The following TMEM272 variants were observed in gnomAD, a reference collection of about 807,000 sequenced individuals.
The protein encoded by TMEM272 is transmembrane protein 272.
A neutral mutation model predicts 3.7 loss-of-function variants in TMEM272; 8 were observed. That is an observed-to-expected ratio of 2.17 (90% CI 1.27 to 3.91). The LOEUF (loss-of-function observed/expected upper bound fraction) is 3.91. Ranked by LOEUF, TMEM272 falls within the 30% of genes most tolerant of loss-of-function variation. TMEM272 has a pLI of 0.00. For missense variants in TMEM272, 166 were observed against 91.5 expected (o/e 1.81, Z -3.32); for synonymous variants, 63 against 39.8 (o/e 1.58, Z -2.20).
the TMEM272 span, among the ~76,000 whole-genome samples, chr13:51,863,500 TA>T: frequency 1.3e-5 from 2 of 152,042 alleles, no homozygotes; most frequent in African/African-American, 4.8e-5. Flanking sequence ...CAGGAAATGT[TA>T]AGGATCTGGA....
the TMEM272 span, among the ~76,000 whole-genome samples, chr13:51,879,546 T>A: frequency 6.6e-6 from 1 of 152,084 alleles, no homozygotes. Flanking sequence ...CAATTAAAAA[T>A]TTGTACAATT....
chr13:51,906,377 A>G, the TMEM272 span, among the ~76,000 whole-genome samples: 6 of 152,144 alleles, frequency 3.9e-5, no homozygotes, highest in Non-Finnish European at 8.8e-5. Context: ...GCCAATTTTG[A>G]GCCCCCAGCA....
upstream of TMEM272, among the ~76,000 whole-genome samples, chr13:51,848,626 T>TG (rs1956317804): frequency 6.6e-6 from 1 of 152,180 alleles, no homozygotes; most frequent in Non-Finnish European, 1.5e-5. Flanking sequence ...AGTGAGTGAA[T>TG]GAGCACGTGC....
chr13:51,857,245 T>TAA, the TMEM272 span, among the ~76,000 whole-genome samples: 561 of 142,942 alleles, frequency 3.9e-3, 1 homozygote, highest in Middle Eastern at 0.014. Context: ...TAGCTGGCAT[T>TAA]AAAAAAAAAA....
the TMEM272 span, chr13:51,909,098 T>C: frequency 6.8e-7 from 1 of 1,470,682 alleles, no homozygotes; most frequent in Non-Finnish European, 9.5e-7. Context: ...CTCTGCCAAA[T>C]GCTGTATTTG....
At chr13:51,889,640 G>A in the TMEM272 span, among the ~76,000 whole-genome samples, 1 of 151,786 alleles carries the variant, frequency 6.6e-6, no homozygotes, top group Admixed American at 6.6e-5. Flanking sequence ...GTGTGTGGGG[G>A]GGTTTTGTTT....
the TMEM272 span, chr13:51,865,925 TCCCTCTGGGAGGAAGAGAATG>T: frequency 1.5e-5 from 24 of 1,613,540 alleles, no homozygotes; most frequent in Middle Eastern, 1.6e-4. Context: ...AGATAAAACG[TCCCTCTGGGAGGAAGAGAATG>T]CCCTCTGGGA....
chr13:51,895,548 C>A, the TMEM272 span, among the ~76,000 whole-genome samples: 1 of 152,036 alleles, frequency 6.6e-6, no homozygotes, highest in Non-Finnish European at 1.5e-5. Flanking sequence ...TTGCTATGGG[C>A]TCCACCTGGG....
intron 4 of TMEM272, among the ~76,000 whole-genome samples, chr13:51,817,751 T>G (rs563218063): frequency 6.6e-6 from 1 of 151,552 alleles, no homozygotes; most frequent in East Asian, 2.0e-4. Context: ...TCCTCGTACA[T>G]CTTTCAAGTC....
Position 51,816,737 on chromosome 13 carries a change from G to A in TMEM272, c.*14C>T, listed in dbSNP as rs1213945652. On this transcript the variant is annotated 3_prime_UTR_variant, in exon 5 of 5. Coordinates refer to ENST00000629372, the MANE Select transcript of TMEM272 (RefSeq NM_001351003.2). ...CACGCATATGCATACATGGTATGCTGGACAAGGCAGCTGTCAGTCTTCATC... is the reference window on the plus strand; with the variant it reads ...CACGCATATGCATACATGGTATGCTAGACAAGGCAGCTGTCAGTCTTCATC... 1.4e-6 allele frequency: 1 copy of A among 692,396 alleles called. No homozygotes were observed. Among genetic ancestry groups the A allele is most frequent in the African/African-American group, 1.7e-5 (1 of 57,206 alleles). The allele number at this position is 692,396 out of a possible 1,614,324, so 42.9% of individuals were successfully genotyped here. A position where few individuals can be genotyped will look rare whatever the true frequency, so the allele number is the denominator to read the frequency against.
At chr13:51,881,944 A>G in the TMEM272 span, among the ~76,000 whole-genome samples, 1 of 152,240 alleles carries the variant, frequency 6.6e-6, no homozygotes, top group Non-Finnish European at 1.5e-5. Flanking sequence ...AGGTGTTGGT[A>G]AGGGTTGTGT....
the TMEM272 span, chr13:51,865,693 A>C: frequency 6.2e-7 from 1 of 1,614,144 alleles, no homozygotes; most frequent in South Asian, 1.1e-5. Flanking sequence ...AAGAGGAAAA[A>C]TCCTTCTGGG....
At chr13:51,833,775 G>C (rs1444795386) in intron 2 of TMEM272, among the ~76,000 whole-genome samples, 1 of 152,226 alleles carries the variant, frequency 6.6e-6, no homozygotes, top group Non-Finnish European at 1.5e-5. Context: ...GGACGAGTTA[G>C]TAAGAAATAT....
intron 2 of TMEM272, among the ~76,000 whole-genome samples, chr13:51,827,497 G>C (rs1024469690): frequency 2.6e-5 from 4 of 152,220 alleles, no homozygotes; most frequent in African/African-American, 9.6e-5. Context: ...TGCAGATATA[G>C]GTTTTGCTTG....
chr13:51,846,849 G>A (rs367759335), upstream of TMEM272, among the ~76,000 whole-genome samples: 3 of 152,152 alleles, frequency 2.0e-5, no homozygotes, highest in African/African-American at 4.8e-5. Flanking sequence ...GTAAGCTAAG[G>A]TTACTTTATT....
chr13:51,894,819 T>C, the TMEM272 span, among the ~76,000 whole-genome samples: 1 of 152,056 alleles, frequency 6.6e-6, no homozygotes, highest in African/African-American at 2.4e-5. Context: ...TATTATTACA[T>C]TGTAATATAT....
At chr13:51,873,447 C>T in the TMEM272 span, among the ~76,000 whole-genome samples, 1 of 152,094 alleles carries the variant, frequency 6.6e-6, no homozygotes, top group African/African-American at 2.4e-5. Flanking sequence ...GTATATAATG[C>T]CTAACACTAA....
the TMEM272 span, among the ~76,000 whole-genome samples, chr13:51,918,207 C>T: frequency 1.7e-4 from 26 of 152,206 alleles, no homozygotes; most frequent in Non-Finnish European, 2.9e-4. Flanking sequence ...CCAATTCCAG[C>T]AATGCCTTGG....
At chr13:51,837,900 C>T (rs1956229428) in intron 2 of TMEM272, among the ~76,000 whole-genome samples, 1 of 152,190 alleles carries the variant, frequency 6.6e-6, no homozygotes, top group African/African-American at 2.4e-5. Context: ...TCCCTTTATC[C>T]ACATTTCATC....
Sources: allele counts gnomAD v4.1 joint callset (sites outside exome capture counted in the v4.1 genomes callset), GRCh38; gene constraint gnomAD v4.1.1; transcripts MANE v1.5; gene names NCBI Gene and HGNC (gene_info 2026-07-23, HGNC 2026-07-21).